Variants in TYW1B observed in about 807,000 individuals in gnomAD.
TYW1B encodes the protein tRNA-yW synthesizing protein 1 homolog B.
TYW1B carries 73 observed loss-of-function variants against 86.9 expected under a neutral mutation model. The ratio of observed to expected loss-of-function variants is 0.84; its 90% confidence interval spans 0.70 to 1.02. The LOEUF (loss-of-function observed/expected upper bound fraction) is 1.02, where lower values mean the gene tolerates loss of function less well. TYW1B is among the 50% of genes least tolerant of loss of function. The probability of loss-of-function intolerance (pLI) is 0.00; values close to 1 mark genes in which losing one functional copy is unlikely to be tolerated. For synonymous variants in TYW1B, 248 were observed against 292.8 expected, an observed-to-expected ratio of 0.85 and a Z score of 1.56; for missense variants, 637 against 827.4, an observed-to-expected ratio of 0.77 and a Z score of 2.82.
In TYW1B at chr7:72,578,043, T is replaced by C. The variant is rs150299235; in HGVS notation, c.1786-2324A>G. On this transcript the variant is annotated intron_variant, in intron 13 of 13. Coordinates refer to ENST00000620995, the MANE Select transcript of TYW1B (RefSeq NM_001145440.3). Reference sequence around the variant, plus strand: ...TCCACCCCACCAAGCCTGCTGGCTCTGTGAATATATGACCTTAACAACGTA... The same window carrying C: ...TCCACCCCACCAAGCCTGCTGGCTCCGTGAATATATGACCTTAACAACGTA... Among the ~76,000 whole-genome samples, 458 of 152,062 alleles carry C rather than the reference T, an allele frequency of 3.0e-3. 5 individuals are homozygous for C. Among genetic ancestry groups the C allele is most frequent in the African/African-American group, 9.3e-3 (384 of 41,480 alleles).
At chr7:72,734,268 A>AAAAAAAAAAAAAAACAC (rs56806378) in intron 8 of TYW1B, among the ~76,000 whole-genome samples, 2 of 98,092 alleles carry the variant, frequency 2.0e-5, no homozygotes, top group South Asian at 3.5e-4. Flanking sequence ...AAAAAAAAAA[A>AAAAAAAAAAAAAAACAC]ACACAACAAA....
At chr7:72,811,333 G>C (rs1554478189) in intron 3 of TYW1B, among the ~76,000 whole-genome samples, 1 of 150,736 alleles carries the variant, frequency 6.6e-6, no homozygotes, top group African/African-American at 2.4e-5. Context: ...CAGAGAGATG[G>C]CCAGGCACGG....
intron 11 of TYW1B, among the ~76,000 whole-genome samples, chr7:72,685,608 CA>C (rs34548116): frequency 0.79 from 120,440 of 151,612 alleles, 48,317 homozygotes; most frequent in Middle Eastern, 0.87. Flanking sequence ...AATCCACATG[CA>C]AAAAAAAAGA....
At chr7:72,723,995 T>C in intron 9 of TYW1B, among the ~76,000 whole-genome samples, 1 of 148,836 alleles carries the variant, frequency 6.7e-6, no homozygotes. Context: ...TAGGGTTTTT[T>C]TTTCTTTTCT....
At chr7:72,628,304 T>C (rs1368726453) in intron 12 of TYW1B, among the ~76,000 whole-genome samples, 2 of 151,890 alleles carry the variant, frequency 1.3e-5, no homozygotes, top group African/African-American at 2.4e-5. Context: ...AAATAAAATA[T>C]GAAATAAAGT....
At chr7:72,704,581 T>C (rs1402126386) in intron 10 of TYW1B, among the ~76,000 whole-genome samples, 1 of 145,780 alleles carries the variant, frequency 6.9e-6, no homozygotes, top group Non-Finnish European at 1.5e-5. Flanking sequence ...GGACCCTGTC[T>C]CTGAAGAAAA....
At chr7:72,708,273 G>A (rs1438028534) in intron 10 of TYW1B, among the ~76,000 whole-genome samples, 1 of 151,962 alleles carries the variant, frequency 6.6e-6, no homozygotes, top group African/African-American at 2.4e-5. Flanking sequence ...AAAGATACCA[G>A]AGTACAGGTG....
At chr7:72,604,666 A>C (rs1554434457) in intron 13 of TYW1B, among the ~76,000 whole-genome samples, 3 of 152,072 alleles carry the variant, frequency 2.0e-5, no homozygotes, top group Admixed American at 6.6e-5. Flanking sequence ...TCATGGTCTA[A>C]TTAATTTCTA....
rs544582561 is a variant in TYW1B at position 72,668,572 on chromosome 7, T to C, written c.1506+26115A>G. Among the ~76,000 whole-genome samples, 8 of 152,148 alleles carry C rather than the reference T, an allele frequency of 5.3e-5. No homozygotes were observed. The East Asian group carries it at 1.6e-3, about 30-fold the overall frequency. ...TCATTCCACTCCCCATCCGACCCCATGCTCTTGGACTCTGGTGGAACTGAA... is the reference window on the plus strand; with the variant it reads ...TCATTCCACTCCCCATCCGACCCCACGCTCTTGGACTCTGGTGGAACTGAA... On this transcript the variant is annotated intron_variant, in intron 11 of 13. Transcript: ENST00000620995.
At chr7:72,809,561 G>C (rs568892315) in intron 4 of TYW1B, among the ~76,000 whole-genome samples, 7 of 152,218 alleles carry the variant, frequency 4.6e-5, no homozygotes, top group Admixed American at 1.3e-4. Flanking sequence ...GCTGACTTGG[G>C]AGGATCCCTT....
chr7:72,613,512 A>G (rs1308682153), intron 13 of TYW1B, among the ~76,000 whole-genome samples: 1 of 145,874 alleles, frequency 6.9e-6, no homozygotes, highest in East Asian at 2.1e-4. Flanking sequence ...GGTTCAAGAG[A>G]TTCTCCTGCC....
At chr7:72,604,408 G>C (rs1811747423) in intron 13 of TYW1B, among the ~76,000 whole-genome samples, 1 of 152,114 alleles carries the variant, frequency 6.6e-6, no homozygotes, top group Non-Finnish European at 1.5e-5. Context: ...GTTGCAGCGA[G>C]CTGAGATCAC....
At position 72,815,413 on chromosome 7, in the gene TYW1B, T is replaced by G. The variant is rs1788703848; in HGVS notation, c.204A>C (p.Lys68Asn). The G allele has an allele frequency of 1.2e-6, 2 of 1,609,232 alleles. No individual in the cohort carries two copies. Among genetic ancestry groups the G allele is most frequent in the Non-Finnish European group, 1.7e-6 (2 of 1,179,064 alleles). The change falls in exon 3 of 14, where the codon AAA becomes AAC. Residue 68 changes from lysine to asparagine, a missense_variant. Physicochemically the swap from Lys to Asn is moderately conservative, Grantham distance 94 (BLOSUM62 0). Coordinates refer to ENST00000620995, the MANE Select transcript of TYW1B (RefSeq NM_001145440.3). ...LDLPVAIINL[K>N]EYDPDDHLIE... ...TCAGATGATCATCTGGATCATATTC[T>G]TTTAGATTAATAATGGCCACAGGCA...
At chr7:72,672,473 A>ACAAACACACACAC (rs1813630351) in intron 11 of TYW1B, among the ~76,000 whole-genome samples, 1 of 140,782 alleles carries the variant, frequency 7.1e-6, no homozygotes, top group Non-Finnish European at 1.5e-5. Context: ...TACACACACA[A>ACAAACACACACAC]ACACACACAC....
intron 10 of TYW1B, among the ~76,000 whole-genome samples, chr7:72,699,758 T>C (rs1563063554): frequency 6.6e-6 from 1 of 151,934 alleles, no homozygotes; most frequent in Admixed American, 6.6e-5. Context: ...CAAGCAATTC[T>C]CCTACCTCAG....
At chr7:72,726,489 A>T (rs1439453092) in intron 9 of TYW1B, among the ~76,000 whole-genome samples, 26 of 151,514 alleles carry the variant, frequency 1.7e-4, no homozygotes, top group African/African-American at 5.8e-4. Flanking sequence ...CAGCCCCCCG[A>T]GTAGCTGGGA....
intron 8 of TYW1B, among the ~76,000 whole-genome samples, chr7:72,732,374 T>C (rs1402416159): frequency 6.6e-6 from 1 of 152,320 alleles, no homozygotes; most frequent in Non-Finnish European, 1.5e-5. Flanking sequence ...GCAGACCATA[T>C]TTTAGTCTCA....
intron 11 of TYW1B, among the ~76,000 whole-genome samples, chr7:72,638,331 T>C (rs1393419599): frequency 3.4e-4 from 52 of 152,234 alleles, no homozygotes; most frequent in South Asian, 1.7e-3. Context: ...GGGTTGTTTG[T>C]CTGCAACCCA....
At chr7:72,710,020 G>C (rs1183513100) in intron 10 of TYW1B, among the ~76,000 whole-genome samples, 1 of 152,220 alleles carries the variant, frequency 6.6e-6, no homozygotes, top group Non-Finnish European at 1.5e-5. Context: ...GAGGGAAAGA[G>C]AGACTCGATA....
Sources: gnomAD v4.1 joint callset for allele counts (sites outside exome capture counted in the v4.1 genomes callset) on GRCh38, gnomAD v4.1.1 for gene constraint, MANE v1.5 for transcripts, NCBI Gene and HGNC (gene_info 2026-07-23, HGNC 2026-07-21) for gene names.